Variants in ANKIB1 observed in about 807,000 individuals in gnomAD.
The protein encoded by ANKIB1 is ankyrin repeat and IBR domain containing 1.
ANKIB1 carries 43 observed loss-of-function variants against 122.1 expected under a neutral mutation model. The ratio of observed to expected loss-of-function variants is 0.35; its 90% CI spans 0.28 to 0.45. The LOEUF (loss-of-function observed/expected upper bound fraction) is 0.45, where lower values mean the gene tolerates loss of function less well. ANKIB1 is among the 20% of genes least tolerant of loss of function. The pLI is 1.00. For synonymous variants in ANKIB1, 390 were observed against 442.0 expected, an observed-to-expected ratio of 0.88 and a Z score of 1.48; for missense variants, 992 against 1,329.5, an observed-to-expected ratio of 0.75 and a Z score of 3.95.
chr7:92,327,448 A>G (rs1244034014), intron 4 of ANKIB1, among the ~76,000 whole-genome samples: 1 of 152,236 alleles, frequency 6.6e-6, no homozygotes, highest in East Asian at 1.9e-4. Flanking sequence ...TCCCTTATGT[A>G]AAATGGGGTA....
Position 92,398,033 on chromosome 7 carries a change from G to GT in ANKIB1, c.2533-169dup, listed in dbSNP as rs1014251311. The stretch of plus-strand genomic sequence containing the variant: ...ATATTTTAGATTTATTTTAAGGTAT[G>GT]TTTTTTTTTTCCTTTAGCATGGGCA... On this transcript the variant is annotated intron_variant, in intron 19 of 19. Transcript: ENST00000265742. Among the ~76,000 whole-genome samples the GT allele has an allele frequency of 5.8e-4, 86 of 148,308 alleles. No individual in the cohort carries two copies. In the South Asian group the frequency reaches 5.9e-3, roughly 10 times the overall value.
chr7:92,397,736 C>T lies in ANKIB1; in HGVS notation c.2409C>T (p.Gly803=), dbSNP rs373671321. 479 of 1,611,470 alleles carry T rather than the reference C, an allele frequency of 3.0e-4. No homozygotes were observed. Among genetic ancestry groups the T allele is most frequent in the Non-Finnish European group, 3.7e-4 (434 of 1,179,070 alleles). ...GCTTTGAAACAGATATTCCAGAAGG[C>T]GGCAGCAGCAGCCGCAGGCCTGGCA... is the stretch of plus-strand genomic sequence containing the variant. The part of the protein sequence containing the change: ...PSESTLDIPE[G]GSSSRRPGTS... The change falls in exon 19 of 20, where the codon GGC becomes GGT. Residue 803 remains glycine (G), a synonymous_variant. Coordinates refer to ENST00000265742, the MANE Select transcript of ANKIB1 (RefSeq NM_019004.2).
chr7:92,246,017 G>T lies in ANKIB1; in HGVS notation c.-593G>T. The T allele has an allele frequency of 7.8e-6, 2 of 257,028 alleles. No homozygotes were observed. Among genetic ancestry groups the T allele is most frequent in the South Asian group, 6.9e-5 (2 of 28,960 alleles). The allele number at this position is 257,028 out of a possible 1,614,324, so 15.9% of individuals were successfully genotyped here. ...CTGCCGTTCCTGCTCCTTTTCACTG[G>T]ACCTGCAGTCTCTCAGGGGCTGGTG... On this transcript the variant is annotated 5_prime_UTR_variant, in exon 1 of 20. Transcript: ENST00000265742.
chr7:92,396,738 T>A (rs576558976), intron 18 of ANKIB1, among the ~76,000 whole-genome samples: 1 of 152,196 alleles, frequency 6.6e-6, no homozygotes, highest in African/African-American at 2.4e-5. Context: ...TAAGGTTGTT[T>A]CCATATTCTA....
chr7:92,385,924 G>T (rs1804632367), intron 11 of ANKIB1, among the ~76,000 whole-genome samples: 1 of 152,008 alleles, frequency 6.6e-6, no homozygotes, highest in Non-Finnish European at 1.5e-5. Flanking sequence ...AGTACCTGAA[G>T]ACAACATAGA....
chr7:92,285,493 ACT>A lies in ANKIB1; in HGVS notation c.-90-9393_-90-9392del, dbSNP rs1802101828. 2.6e-5 allele frequency among the ~76,000 whole-genome samples: 4 copies of A among 152,236 alleles called. No homozygotes were observed. The South Asian group carries it at 8.3e-4, about 32-fold the overall frequency. On this transcript the variant is annotated intron_variant, in intron 1 of 19. Transcript: ENST00000265742. ...TAGATAATTTCTTACAAATTGTGAA[ACT>A]CTATGTGCACTATCAAATTTAATCT...
At chr7:92,268,120 A>T (rs1801712061) in intron 1 of ANKIB1, among the ~76,000 whole-genome samples, 1 of 152,186 alleles carries the variant, frequency 6.6e-6, no homozygotes, top group African/African-American at 2.4e-5. Context: ...TCCTGAGAAG[A>T]TACGTCAAGA....
At chr7:92,396,135 A>G (rs576293478) in intron 17 of ANKIB1, 7 of 514,378 alleles carry the variant, frequency 1.4e-5, no homozygotes, top group African/African-American at 1.3e-4. Context: ...GGGGCTTGCA[A>G]GTATTCCTAA....
chr7:92,320,329 T>G (rs1802879985), intron 4 of ANKIB1, among the ~76,000 whole-genome samples: 1 of 152,218 alleles, frequency 6.6e-6, no homozygotes, highest in Non-Finnish European at 1.5e-5. Flanking sequence ...TCTACTCTGA[T>G]GGAACTGCCC....
rs1184392588 is a variant in ANKIB1, at chr7:92,338,911, C to CAAAAAAAAAAA, written c.788-4100_788-4090dup. Among the ~76,000 whole-genome samples the CAAAAAAAAAAA allele has an allele frequency of 9.4e-5, 2 of 21,204 alleles. 1 individual carries two copies. Among genetic ancestry groups the CAAAAAAAAAAA allele is most frequent in the African/African-American group, 4.9e-4 (2 of 4,060 alleles). 13.9% of individuals were successfully genotyped at this position (21,204 alleles called of 152,430 possible). Reference sequence around the variant, plus strand: ...TGGGCGACAGAGTGAGACTCCATCTCAAAAAAAAAAAAAAAAAAAAAAATA... The same window carrying CAAAAAAAAAAA: ...TGGGCGACAGAGTGAGACTCCATCTCAAAAAAAAAAAAAAAAAAAAAAAAAAAAAAAAAATA... On this transcript the variant is annotated intron_variant, in intron 5 of 19. Transcript: ENST00000265742.
intron 1 of ANKIB1, among the ~76,000 whole-genome samples, chr7:92,248,946 G>A (rs1166942243): frequency 7.3e-6 from 1 of 136,958 alleles, no homozygotes; most frequent in Non-Finnish European, 1.5e-5. Context: ...GGAGTGCAGT[G>A]GTGTGATCTT....
At chr7:92,327,105 A>G (rs920925044) in intron 4 of ANKIB1, among the ~76,000 whole-genome samples, 2 of 152,248 alleles carry the variant, frequency 1.3e-5, no homozygotes, top group South Asian at 2.1e-4. Flanking sequence ...TTATTGCTTA[A>G]TGGTGGAATT....
chr7:92,296,327 A>G (rs928091907), intron 2 of ANKIB1, among the ~76,000 whole-genome samples: 4 of 151,880 alleles, frequency 2.6e-5, no homozygotes, highest in African/African-American at 9.7e-5. Flanking sequence ...GACTCAAGCT[A>G]TCCTCCTACC....
chr7:92,345,771 A>C (rs1051406353), intron 7 of ANKIB1, among the ~76,000 whole-genome samples: 1 of 152,186 alleles, frequency 6.6e-6, no homozygotes, highest in African/African-American at 2.4e-5. Flanking sequence ...GTATTTAAGA[A>C]AATCTTAGAA....
chr7:92,391,253 G>T lies in ANKIB1; in HGVS notation c.2140G>T (p.Ala714Ser). 6.2e-7 allele frequency: 1 copy of T among 1,613,496 alleles called. No homozygotes were observed. Among genetic ancestry groups the T allele is most frequent in the Non-Finnish European group, 8.5e-7 (1 of 1,179,672 alleles). ...ACCCCGCCACAAGATCATCAAAGCA[G>T]CATGCCTTGTACAGCAGAAGAGGCA... is the stretch of plus-strand genomic sequence containing the variant. ...RTPRHKIIKAACLVQQKRQEF... is the reference protein window; with the variant it reads ...RTPRHKIIKASCLVQQKRQEF... Residue 714 changes from alanine (A) to serine (S), a missense_variant, in exon 16 of 20, where the codon GCA becomes TCA. Transcript: ENST00000265742.
At chr7:92,264,564 AT>A (rs139490587) in intron 1 of ANKIB1, among the ~76,000 whole-genome samples, 4 of 150,332 alleles carry the variant, frequency 2.7e-5, no homozygotes, top group East Asian at 2.0e-4. Flanking sequence ...CGCTTGACTA[AT>A]TTTTTTTTCT....
At chr7:92,289,699 T>C (rs552383366) in intron 1 of ANKIB1, among the ~76,000 whole-genome samples, 2 of 152,332 alleles carry the variant, frequency 1.3e-5, no homozygotes, top group South Asian at 4.1e-4. Context: ...CATTGGTCAA[T>C]AATGCATGCA....
intron 10 of ANKIB1, among the ~76,000 whole-genome samples, chr7:92,370,111 CT>C (rs1418488786): frequency 6.6e-6 from 1 of 152,010 alleles, no homozygotes; most frequent in African/African-American, 2.4e-5. Context: ...TGGATTTTAT[CT>C]TGTAGTCAAT....
At chr7:92,395,280 T>A (rs1354499750) in intron 17 of ANKIB1, among the ~76,000 whole-genome samples, 1 of 152,196 alleles carries the variant, frequency 6.6e-6, no homozygotes, top group Non-Finnish European at 1.5e-5. Flanking sequence ...TCATCCCATA[T>A]GCTAAATAGA....
Sources: allele counts gnomAD v4.1 joint callset (sites outside exome capture counted in the v4.1 genomes callset), GRCh38; gene constraint gnomAD v4.1.1; transcripts MANE v1.5; gene names NCBI Gene and HGNC (gene_info 2026-07-23, HGNC 2026-07-21).